The following SHPRH variants were observed in gnomAD, a reference collection of about 807,000 sequenced individuals.
SHPRH encodes the protein E3 ubiquitin-protein ligase SHPRH.
In SHPRH, 106 loss-of-function variants were observed where a neutral mutation model predicts 202.5. That is an observed-to-expected ratio of 0.52 (90% confidence interval 0.45 to 0.62). The LOEUF (loss-of-function observed/expected upper bound fraction) is 0.62, where lower values mean the gene tolerates loss of function less well. SHPRH is among the 20% of genes least tolerant of loss of function. The pLI, the probability that SHPRH is intolerant of heterozygous loss-of-function variation, is 0.00. For missense variants in SHPRH, 1,710 were observed against 2,020.0 expected, an observed-to-expected ratio of 0.85 and a Z score of 2.94; for synonymous variants, 729 against 686.0, an observed-to-expected ratio of 1.06 and a Z score of -0.98.
In SHPRH at chr6:145,925,091, CTTAT is replaced by C. The variant is rs372907308; in HGVS notation, c.3295-249_3295-246del. Reference sequence around the variant, plus strand: ...ACACCGAATATTTGTTTGCCAATTTCTTATTTAATTTTTTTTTTTAGTTAGAATA... The same window carrying C: ...ACACCGAATATTTGTTTGCCAATTTCTTAATTTTTTTTTTTAGTTAGAATA... On this transcript the variant is annotated intron_variant, in intron 16 of 29. Coordinates refer to ENST00000275233, the MANE Select transcript of SHPRH (RefSeq NM_001042683.3). 3.2e-4 allele frequency among the ~76,000 whole-genome samples: 48 copies of C among 151,096 alleles called. No homozygotes were observed. The East Asian group carries it at 3.9e-3, about 12-fold the overall frequency.
At chr6:145,891,501 C>T (rs79545576) in intron 28 of SHPRH, among the ~76,000 whole-genome samples, 2 of 152,028 alleles carry the variant, frequency 1.3e-5, no homozygotes, top group East Asian at 1.9e-4. Context: ...TATTGTTTAC[C>T]ACCTTTCTGT....
chr6:145,896,857 G>A (rs948717204), intron 25 of SHPRH, among the ~76,000 whole-genome samples: 2 of 151,834 alleles, frequency 1.3e-5, no homozygotes, highest in Non-Finnish European at 2.9e-5. Flanking sequence ...AAATGAAAAT[G>A]GAAATACAAC....
intron 14 of SHPRH, among the ~76,000 whole-genome samples, chr6:145,928,594 A>G (rs556125362): frequency 5.9e-5 from 9 of 152,122 alleles, no homozygotes; most frequent in South Asian, 4.1e-4. Flanking sequence ...TAGCTCATAT[A>G]TAAGTTTACA....
chr6:145,927,897 T>C (rs1344539400), intron 14 of SHPRH, among the ~76,000 whole-genome samples: 2 of 151,930 alleles, frequency 1.3e-5, no homozygotes, highest in Non-Finnish European at 2.9e-5. Flanking sequence ...CTGTTCATAA[T>C]CAGCACCTCA....
chr6:145,915,921 T>G (rs975800987), intron 23 of SHPRH, among the ~76,000 whole-genome samples: 1 of 152,044 alleles, frequency 6.6e-6, no homozygotes, highest in African/African-American at 2.4e-5. Context: ...CTCTTCAAGC[T>G]TCTGTCCTAT....
Position 145,926,226 on chromosome 6 carries a change from CG to C in SHPRH, c.3271del (p.Arg1091ValfsTer17). The part of the protein sequence containing the change: ...ARHPGIPPTL[R>X]DGRLEEEAKQ... Reference sequence around the variant, plus strand: ...TACCTCTTCCTCAAGTCGGCCATCACGCAAGGTAGGTGGTATCCCTGGGTGC... The same window carrying C: ...TACCTCTTCCTCAAGTCGGCCATCACCAAGGTAGGTGGTATCCCTGGGTGC... On this transcript the variant is annotated frameshift_variant, in exon 16 of 30. Transcript: ENST00000275233. LOFTEE classifies it high-confidence loss of function. 6.2e-7 allele frequency: 1 copy of C among 1,612,846 alleles called. No homozygotes were observed. Among genetic ancestry groups the C allele is most frequent in the South Asian group, 1.1e-5 (1 of 91,026 alleles).
At chr6:145,925,823 C>T (rs975306985) in intron 16 of SHPRH, among the ~76,000 whole-genome samples, 6 of 151,880 alleles carry the variant, frequency 4.0e-5, no homozygotes, top group Admixed American at 2.6e-4. Context: ...TTTATTTACC[C>T]CCTTAAAAAA....
chr6:145,858,080 T>G, the SHPRH span, among the ~76,000 whole-genome samples: 6 of 152,148 alleles, frequency 3.9e-5, no homozygotes, highest in African/African-American at 1.4e-4. Flanking sequence ...TTGGTGAGGA[T>G]GTGAAGAAAT....
chr6:145,883,910 T>G (rs2128702927), downstream of SHPRH: 1 of 152,330 alleles, frequency 6.6e-6, no homozygotes, highest in East Asian at 1.9e-4. Flanking sequence ...GAAAGATACC[T>G]TTTATTCGAC....
chr6:145,893,652 C>T (rs1443343316), intron 27 of SHPRH, among the ~76,000 whole-genome samples: 1 of 151,836 alleles, frequency 6.6e-6, no homozygotes, highest in African/African-American at 2.4e-5. Flanking sequence ...GTAATGCATG[C>T]AAATTAAACT....
At chr6:145,870,376 C>T (rs1199122024) in intron 2 of SHPRH, among the ~76,000 whole-genome samples, 1 of 151,552 alleles carries the variant, frequency 6.6e-6, no homozygotes, top group Non-Finnish European at 1.5e-5. Context: ...ATTCTCCTGC[C>T]TCAGCCTCCT....
At position 145,946,222 on chromosome 6, in the gene SHPRH, G is replaced by T; in HGVS notation, c.1321+11C>A. 6.3e-7 allele frequency: 1 copy of T among 1,594,182 alleles called. No individual in the cohort carries two copies. Among genetic ancestry groups the T allele is most frequent in the Non-Finnish European group, 8.6e-7 (1 of 1,166,964 alleles). On this transcript the variant is annotated intron_variant, in intron 7 of 29. Coordinates refer to ENST00000275233, the MANE Select transcript of SHPRH (RefSeq NM_001042683.3). ...TAAGAAGGTATTTCCTTTAAGAGAT[G>T]TCTTACTTACGAGGGCATTGAACTT...
In SHPRH at chr6:145,931,115, A is replaced by C. The variant is rs543039185; in HGVS notation, c.3112+1942T>G. ...TCTTTTTTCATCCTCTTACATTTGC[A>C]TCTTTAAATATAAAGTAGGTTTCTT... On this transcript the variant is annotated intron_variant, in intron 14 of 29. Coordinates refer to ENST00000275233, the MANE Select transcript of SHPRH (RefSeq NM_001042683.3). 2.6e-5 allele frequency among the ~76,000 whole-genome samples: 4 copies of C among 152,146 alleles called. 1 individual carries two copies. In the South Asian group the frequency reaches 8.3e-4, roughly 32 times the overall value.
intron 4 of SHPRH, among the ~76,000 whole-genome samples, chr6:145,949,311 A>G (rs560372802): frequency 1.3e-5 from 2 of 152,134 alleles, no homozygotes; most frequent in Non-Finnish European, 2.9e-5. Context: ...AAATCAACTT[A>G]AGTGCCCATC....
chr6:145,920,797 C>T (rs1053970230), intron 21 of SHPRH, among the ~76,000 whole-genome samples: 1 of 151,940 alleles, frequency 6.6e-6, no homozygotes, highest in African/African-American at 2.4e-5. Context: ...ACTATGTTCC[C>T]CAATCTTTAA....
intron 29 of SHPRH, 54 bp downstream of exon 29, chr6:145,887,966 A>G: frequency 7.3e-7 from 1 of 1,379,006 alleles, no homozygotes; most frequent in Non-Finnish European, 1.0e-6. Flanking sequence ...CTAAAGATAC[A>G]AACTTTTAAC....
At chr6:145,924,300 T>C (rs1784681699) in intron 17 of SHPRH, among the ~76,000 whole-genome samples, 1 of 151,906 alleles carries the variant, frequency 6.6e-6, no homozygotes, top group Non-Finnish European at 1.5e-5. Context: ...AAAGTGTATT[T>C]GTGTAACCTC....
At chr6:145,957,157 C>A (rs1788588587) in intron 1 of SHPRH, among the ~76,000 whole-genome samples, 1 of 151,396 alleles carries the variant, frequency 6.6e-6, no homozygotes, top group African/African-American at 2.4e-5. Context: ...AAATGGATAC[C>A]AATATGCAAT....
At chr6:145,867,478 G>C (rs1779826853) in intron 2 of SHPRH, among the ~76,000 whole-genome samples, 1 of 151,372 alleles carries the variant, frequency 6.6e-6, no homozygotes, top group African/African-American at 2.4e-5. Flanking sequence ...GTCACTACAA[G>C]AGAGAGGCAA....
Sources: allele counts gnomAD v4.1 joint callset (sites outside exome capture counted in the v4.1 genomes callset), GRCh38; gene constraint gnomAD v4.1.1; transcripts MANE v1.5; gene names NCBI Gene and HGNC (gene_info 2026-07-23, HGNC 2026-07-21).